UNC79: variants seen among roughly 807,000 people sequenced by gnomAD.
UNC79 encodes the protein unc-79 subunit of NALCN channel complex, also known as protein unc-79 homolog.
In UNC79, 37 loss-of-function variants were observed where a neutral mutation model predicts 283.1. The ratio of observed to expected loss-of-function variants is 0.13; its 90% CI spans 0.10 to 0.17. UNC79 has a LOEUF of 0.17. UNC79 is among the 10% of genes least tolerant of loss of function. UNC79 has a pLI of 1.00. For missense variants in UNC79, 2,272 were observed against 3,211.1 expected (o/e 0.71, Z 7.07); for synonymous variants, 1,107 against 1,200.2 (o/e 0.92, Z 1.61).
intron 4 of UNC79, among the ~76,000 whole-genome samples, chr14:93,485,941 A>T (rs1389476015): frequency 6.6e-6 from 1 of 152,154 alleles, no homozygotes; most frequent in African/African-American, 2.4e-5. Flanking sequence ...AATTTTTTTT[A>T]TCTCCTCTGA....
chr14:93,658,706 G>A (rs2071218062), intron 38 of UNC79, among the ~76,000 whole-genome samples: 1 of 152,116 alleles, frequency 6.6e-6, no homozygotes, highest in African/African-American at 2.4e-5. Context: ...GATGAAACTG[G>A]TTCTTATGTG....
At chr14:93,604,785 T>C in intron 26 of UNC79, 111 bp from the exon 27 acceptor site, 3 of 1,124,900 alleles carry the variant, frequency 2.7e-6, no homozygotes, top group Non-Finnish European at 3.5e-6. Context: ...TTAATTCAAA[T>C]AGAAAAATGA....
intron 1 of UNC79, among the ~76,000 whole-genome samples, chr14:93,414,430 C>G (rs2055406895): frequency 6.6e-6 from 1 of 152,050 alleles, no homozygotes; most frequent in Non-Finnish European, 1.5e-5. Context: ...GTTACTGTAG[C>G]CTTGTAGTAT....
intron 27 of UNC79, among the ~76,000 whole-genome samples, chr14:93,615,740 A>G (rs1383354700): frequency 3.4e-5 from 5 of 145,654 alleles, no homozygotes; most frequent in South Asian, 2.1e-4. Context: ...AAAAAAAAAA[A>G]AAAAAGAAAA....
chr14:93,408,888 C>G lies in UNC79; in HGVS notation c.-350-58783C>G, dbSNP rs117192238. Among the ~76,000 whole-genome samples the G allele has an allele frequency of 2.0e-5, 3 of 152,280 alleles. No homozygotes were observed. The East Asian group carries it at 5.8e-4, about 29-fold the overall frequency. Reference sequence around the variant, plus strand: ...ACCTTTATTTTAAAATGCAATAAAACTTTATCACTAAAAACTCTTAGCTAA... The same window carrying G: ...ACCTTTATTTTAAAATGCAATAAAAGTTTATCACTAAAAACTCTTAGCTAA... On this transcript the variant is annotated intron_variant, in intron 1 of 49. Transcript: ENST00000256339.
chr14:93,641,637 A>AGC (rs1269192029), intron 33 of UNC79, among the ~76,000 whole-genome samples: 1 of 152,158 alleles, frequency 6.6e-6, no homozygotes, highest in African/African-American at 2.4e-5. Context: ...TGGGTGATAG[A>AGC]GTGACTGTCT....
chr14:93,553,960 A>T (rs2062024766), intron 14 of UNC79, among the ~76,000 whole-genome samples: 1 of 152,248 alleles, frequency 6.6e-6, no homozygotes, highest in Non-Finnish European at 1.5e-5. Context: ...CAGTTTATTT[A>T]TTTAACCAAC....
At chr14:93,563,568 G>T (rs926152248) in intron 14 of UNC79, among the ~76,000 whole-genome samples, 8 of 152,138 alleles carry the variant, frequency 5.3e-5, no homozygotes, top group Non-Finnish European at 8.8e-5. Flanking sequence ...TAGTGCAGCG[G>T]GGGCAGAGCA....
chr14:93,691,688 T>A, intron 45 of UNC79, 61 bp from the exon 49 acceptor site: 2 of 1,591,640 alleles, frequency 1.3e-6, no homozygotes, highest in Non-Finnish European at 1.7e-6. Context: ...GCGGGAGGAC[T>A]CCGTGGAGGG....
At position 93,646,747 on chromosome 14, in the gene UNC79, C is replaced by T. The variant is rs1361228572; in HGVS notation, c.6083+101C>T. The T allele has an allele frequency of 1.0e-5, 13 of 1,300,648 alleles. No individual in the cohort carries two copies. In the East Asian group the frequency reaches 1.9e-4, roughly 19 times the overall value. 80.6% of individuals were successfully genotyped at this position (1,300,648 alleles called of 1,614,324 possible). On this transcript the variant is annotated intron_variant, in intron 35 of 48. Coordinates refer to ENST00000555664, the Ensembl canonical transcript of UNC79. The stretch of plus-strand genomic sequence containing the variant: ...GTGTGGGGCTGGGTGCAGTGGCTCG[C>T]GTCTGTAATCTCAGCACTTTGGGAG...
At chr14:93,652,667 C>G (rs1489391932) in intron 35 of UNC79, among the ~76,000 whole-genome samples, 2 of 152,118 alleles carry the variant, frequency 1.3e-5, no homozygotes, top group East Asian at 1.9e-4. Flanking sequence ...TTGAATTATA[C>G]TGGCTGATTT....
At chr14:93,496,578 T>A in intron 6 of UNC79, 112 bp downstream of exon 6, 1 of 608,406 alleles carries the variant, frequency 1.6e-6, no homozygotes, top group Non-Finnish European at 2.7e-6. Flanking sequence ...GACGTCCTAT[T>A]ATTTTGATGT....
chr14:93,522,497 GT>G (rs1412093786), intron 7 of UNC79, among the ~76,000 whole-genome samples: 11 of 152,040 alleles, frequency 7.2e-5, no homozygotes, highest in African/African-American at 2.7e-4. Flanking sequence ...CATGTTCCAT[GT>G]TTTTGCAATT....
At chr14:93,579,238 A>G (rs534567917) in intron 18 of UNC79, among the ~76,000 whole-genome samples, 1 of 152,226 alleles carries the variant, frequency 6.6e-6, no homozygotes, top group African/African-American at 2.4e-5. Context: ...ACCTTAACCA[A>G]GAGACCAAAA....
In UNC79 at chr14:93,474,900, C is replaced by T. The variant is rs2057712183; in HGVS notation, c.448+507C>T. ...CTCTAACAACTCTTCCAAATGTAAA[C>T]AACAATCAATAGTTATTACAAAATG... On this transcript the variant is annotated intron_variant, in intron 3 of 48. Coordinates refer to ENST00000555664, the Ensembl canonical transcript of UNC79. The surrounding 1 kb of genome is among the most constrained non-coding windows in gnomAD (Gnocchi z 4.1). Among the ~76,000 whole-genome samples the T allele has an allele frequency of 2.0e-5, 3 of 152,082 alleles. No homozygotes were observed. In the South Asian group the frequency reaches 6.2e-4, roughly 32 times the overall value.
intron 4 of UNC79, among the ~76,000 whole-genome samples, chr14:93,481,984 A>G (rs958665669): frequency 6.6e-6 from 1 of 152,214 alleles, no homozygotes; most frequent in Non-Finnish European, 1.5e-5. Context: ...CCTTAGCTGT[A>G]AAATGGTGAT....
At chr14:93,671,703 C>T (rs947745543) in intron 40 of UNC79, among the ~76,000 whole-genome samples, 10 of 152,056 alleles carry the variant, frequency 6.6e-5, no homozygotes, top group African/African-American at 2.4e-4. Flanking sequence ...ACCCGGGAGG[C>T]AGAGGTTGCA....
intron 1 of UNC79, among the ~76,000 whole-genome samples, chr14:93,465,117 C>T (rs2057117952): frequency 6.6e-6 from 1 of 152,136 alleles, no homozygotes; most frequent in South Asian, 2.1e-4. Flanking sequence ...TTTCTTTCTT[C>T]CTTTTTTTTC....
At chr14:93,370,195 A>G (rs915494685) in intron 1 of UNC79, among the ~76,000 whole-genome samples, 2 of 152,170 alleles carry the variant, frequency 1.3e-5, no homozygotes, top group South Asian at 4.1e-4. Flanking sequence ...ATAAAGAACG[A>G]TTTGAAGAAA....
Sources: gnomAD v4.1 joint callset for allele counts (sites outside exome capture counted in the v4.1 genomes callset) on GRCh38, gnomAD v4.1.1 for gene constraint, Gnocchi (gnomAD v3.1) non-coding constraint, MANE v1.5 for transcripts, NCBI Gene and HGNC (gene_info 2026-07-23, HGNC 2026-07-21) for gene names.